Variants in PRKG1 observed in about 807,000 individuals in gnomAD.
The protein encoded by PRKG1 is protein kinase cGMP-dependent 1.
PRKG1 carries 35 observed loss-of-function variants against 88.1 expected under a neutral mutation model. The ratio of observed to expected loss-of-function variants is 0.40; its 90% CI spans 0.30 to 0.53. The LOEUF (loss-of-function observed/expected upper bound fraction) is 0.53. Ranked by LOEUF, PRKG1 falls within the 20% of genes least tolerant of loss-of-function variation. The pLI, the probability that PRKG1 is intolerant of heterozygous loss-of-function variation, is 0.59. For missense variants in PRKG1, 540 were observed against 839.8 expected (o/e 0.64, Z 4.41); for synonymous variants, 303 against 292.5 (o/e 1.04, Z -0.37).
At chr10:52,147,319 A>G (rs1197340935) in intron 8 of PRKG1, among the ~76,000 whole-genome samples, 1 of 152,212 alleles carries the variant, frequency 6.6e-6, no homozygotes, top group Non-Finnish European at 1.5e-5. Context: ...AGTGGTGGAA[A>G]AGAAAGGAAG....
chr10:52,259,143 TG>T (rs1324234483), intron 10 of PRKG1, among the ~76,000 whole-genome samples: 6 of 151,946 alleles, frequency 3.9e-5, no homozygotes, highest in African/African-American at 1.4e-4. Flanking sequence ...AAGAGTTGTT[TG>T]GACATTAAGT....
chr10:52,280,468 T>C (rs750101220), intron 12 of PRKG1, among the ~76,000 whole-genome samples: 4 of 152,184 alleles, frequency 2.6e-5, no homozygotes, highest in Non-Finnish European at 5.9e-5. Context: ...CTTCTGTAAG[T>C]CTGTGCCTTT....
intron 3 of PRKG1, among the ~76,000 whole-genome samples, chr10:51,735,889 ATTTATT>A (rs1837261269): frequency 2.3e-5 from 2 of 87,352 alleles, no homozygotes; most frequent in Non-Finnish European, 2.3e-5. Flanking sequence ...ATGTATATTT[ATTTATT>A]TATTTATTTA....
At chr10:51,124,734 T>C (rs1845354511) in intron 1 of PRKG1, among the ~76,000 whole-genome samples, 1 of 152,182 alleles carries the variant, frequency 6.6e-6, no homozygotes, top group Non-Finnish European at 1.5e-5. Flanking sequence ...ATAATCCTTT[T>C]GTTTGCTTAC....
chr10:51,124,092 A>G (rs927615566), intron 1 of PRKG1, among the ~76,000 whole-genome samples: 30 of 152,114 alleles, frequency 2.0e-4, no homozygotes, highest in African/African-American at 7.0e-4. Context: ...CAGAGATCCA[A>G]ACACTATCAT....
chr10:52,059,305 A>G (rs368828611), intron 6 of PRKG1, among the ~76,000 whole-genome samples: 109 of 152,072 alleles, frequency 7.2e-4, no homozygotes, highest in African/African-American at 2.4e-3. Flanking sequence ...CACAGCAATT[A>G]CTCTTTGTGA....
intron 2 of PRKG1, among the ~76,000 whole-genome samples, chr10:51,418,806 C>T (rs907139169): frequency 6.6e-6 from 1 of 152,098 alleles, no homozygotes; most frequent in African/African-American, 2.4e-5. Context: ...TTAGGGAGCA[C>T]TATTGGGTAA....
intron 2 of PRKG1, among the ~76,000 whole-genome samples, chr10:51,226,248 G>A (rs533481005): frequency 6.6e-6 from 1 of 152,122 alleles, no homozygotes; most frequent in African/African-American, 2.4e-5. Context: ...CATAATGTGG[G>A]GCAGATTATT....
chr10:51,163,490 A>G (rs2131992032), intron 2 of PRKG1, among the ~76,000 whole-genome samples: 1 of 152,218 alleles, frequency 6.6e-6, no homozygotes, highest in South Asian at 2.1e-4. Context: ...CTGCATTTCC[A>G]TCTGAGGTAC....
At chr10:51,104,164 C>T (rs942559941) in intron 1 of PRKG1, among the ~76,000 whole-genome samples, 1 of 151,920 alleles carries the variant, frequency 6.6e-6, no homozygotes, top group African/African-American at 2.4e-5. Context: ...ATAGATAATT[C>T]CTAAACAGAA....
intron 3 of PRKG1, among the ~76,000 whole-genome samples, chr10:51,680,117 C>T (rs1236570281): frequency 1.3e-5 from 2 of 152,152 alleles, no homozygotes; most frequent in African/African-American, 4.8e-5. Flanking sequence ...TCAATCTGCT[C>T]TAGTATTGGG....
At chr10:51,697,512 T>TC (rs1257709186) in intron 3 of PRKG1, 7 of 610,230 alleles carry the variant, frequency 1.1e-5, no homozygotes, top group Non-Finnish European at 1.4e-5. Context: ...CACTCCCTCC[T>TC]CCCCCCACCC....
At chr10:51,227,021 A>G (rs1838710986) in intron 2 of PRKG1, among the ~76,000 whole-genome samples, 1 of 151,202 alleles carries the variant, frequency 6.6e-6, no homozygotes, top group Non-Finnish European at 1.5e-5. Flanking sequence ...TTTGAGGTGG[A>G]GGATAAGTAG....
intron 2 of PRKG1, among the ~76,000 whole-genome samples, chr10:51,253,537 A>G (rs1304281510): frequency 2.6e-5 from 4 of 151,872 alleles, no homozygotes; most frequent in Admixed American, 2.0e-4. Context: ...TGGATGTTAC[A>G]TATTTCATTC....
chr10:51,185,180 C>T (rs1837454433), intron 2 of PRKG1, among the ~76,000 whole-genome samples: 1 of 152,114 alleles, frequency 6.6e-6, no homozygotes, highest in Admixed American at 6.6e-5. Flanking sequence ...TACTTAACCT[C>T]TCTTTTATCA....
At chr10:51,578,753 A>G (rs974046974) in intron 3 of PRKG1, among the ~76,000 whole-genome samples, 7 of 152,090 alleles carry the variant, frequency 4.6e-5, no homozygotes, top group African/African-American at 1.7e-4. Context: ...AGAAGACACC[A>G]TGTTACTCAT....
intron 2 of PRKG1, among the ~76,000 whole-genome samples, chr10:51,196,109 A>G (rs2132047982): frequency 6.6e-6 from 1 of 152,282 alleles, no homozygotes; most frequent in African/African-American, 2.4e-5. Flanking sequence ...AAGGAGCAGG[A>G]GGGATAGTAG....
intron 4 of PRKG1, among the ~76,000 whole-genome samples, chr10:51,896,645 T>TAC (rs1841854225): frequency 1.1e-5 from 1 of 95,004 alleles, no homozygotes; most frequent in African/African-American, 4.3e-5. Context: ...CCCTGTCTCT[T>TAC]AAAAAAAAAA....
rs79894154 is a variant in PRKG1 at position 51,035,298 on chromosome 10, C to T, written c.266+43654C>T. Reference sequence around the variant, plus strand: ...ATGCTGAATAAATTTTCATTATCCACGTTGTAACTAACAAAATTAAGTTTC... The same window carrying T: ...ATGCTGAATAAATTTTCATTATCCATGTTGTAACTAACAAAATTAAGTTTC... On this transcript the variant is annotated intron_variant, in intron 1 of 17. Transcript: ENST00000401604. Among the ~76,000 whole-genome samples, 1,133 of 152,278 alleles carry T rather than the reference C, an allele frequency of 7.4e-3. 10 individuals carry two copies. Among genetic ancestry groups the T allele is most frequent in the African/African-American group, 0.025 (1,038 of 41,548 alleles).
Sources: gnomAD v4.1 joint callset for allele counts (sites outside exome capture counted in the v4.1 genomes callset) on GRCh38, gnomAD v4.1.1 for gene constraint, MANE v1.5 for transcripts, NCBI Gene and HGNC (gene_info 2026-07-23, HGNC 2026-07-21) for gene names.